The following FRAS1 variants were observed in gnomAD, a reference collection of about 807,000 sequenced individuals.
FRAS1 encodes the protein extracellular matrix organizing protein FRAS1.
FRAS1 carries 290 observed loss-of-function variants against 435.2 expected under a neutral mutation model. The observed-to-expected ratio is 0.67, with a 90% CI of 0.61 to 0.73. The LOEUF is 0.73. FRAS1 is among the 30% of genes least tolerant of loss of function. The pLI is 0.00. For synonymous variants in FRAS1, 1,800 were observed against 1,851.0 expected (o/e 0.97, Z 0.71); for missense variants, 4,860 against 5,001.5 (o/e 0.97, Z 0.85).
At chr4:78,482,842 A>G (rs1720054045) in intron 58 of FRAS1, among the ~76,000 whole-genome samples, 1 of 152,202 alleles carries the variant, frequency 6.6e-6, no homozygotes, top group Non-Finnish European at 1.5e-5. Flanking sequence ...ATCATGATAA[A>G]TGACCTAATA....
At chr4:78,139,620 T>C (rs1406850775) in intron 2 of FRAS1, among the ~76,000 whole-genome samples, 2 of 152,128 alleles carry the variant, frequency 1.3e-5, no homozygotes, top group Non-Finnish European at 2.9e-5. Flanking sequence ...ACTTCATTAG[T>C]GGAAAAGAGT....
In FRAS1 at chr4:78,155,976, C is replaced by T. The variant is rs975934986; in HGVS notation, c.109-81534C>T. Among the ~76,000 whole-genome samples the T allele has an allele frequency of 7.2e-5, 11 of 152,172 alleles. 1 individual carries two copies. Among genetic ancestry groups the T allele is most frequent in the South Asian group, 4.2e-4 (2 of 4,816 alleles). On this transcript the variant is annotated intron_variant, in intron 2 of 73. Coordinates refer to ENST00000512123, the MANE Select transcript of FRAS1 (RefSeq NM_025074.7). ...AGAGTTAAAAAAAATACACAAAAAC[C>T]GCAAACAACATAATTCTTTCATGTG... is the stretch of plus-strand genomic sequence containing the variant.
intron 2 of FRAS1, among the ~76,000 whole-genome samples, chr4:78,221,256 T>A (rs922375772): frequency 2.0e-5 from 3 of 152,222 alleles, no homozygotes; most frequent in Non-Finnish European, 4.4e-5. Flanking sequence ...TATATCAAAT[T>A]TCTTTCATGT....
intron 2 of FRAS1, among the ~76,000 whole-genome samples, chr4:78,134,780 C>T (rs1014814245): frequency 1.3e-5 from 2 of 152,020 alleles, no homozygotes; most frequent in African/African-American, 4.8e-5. Flanking sequence ...ATTTAATTTT[C>T]AAAACAGCCT....
intron 2 of FRAS1, among the ~76,000 whole-genome samples, chr4:78,077,168 TA>T (rs1290464235): frequency 6.0e-5 from 9 of 149,606 alleles, no homozygotes; most frequent in African/African-American, 2.2e-4. Flanking sequence ...TTGGTTAACA[TA>T]GCAAGATTCC....
At chr4:78,486,576 A>G (rs1397510134) in intron 58 of FRAS1, among the ~76,000 whole-genome samples, 2 of 152,216 alleles carry the variant, frequency 1.3e-5, no homozygotes, top group Middle Eastern at 3.2e-3. Context: ...AGCCAGTGCT[A>G]TCACTTCCTG....
At chr4:78,487,754 CT>C (rs1253415429) in intron 58 of FRAS1, among the ~76,000 whole-genome samples, 2 of 152,094 alleles carry the variant, frequency 1.3e-5, no homozygotes, top group East Asian at 3.8e-4. Flanking sequence ...CATTTATTAT[CT>C]CATTAAATTC....
chr4:78,256,721 G>A (rs1725813334), intron 6 of FRAS1, among the ~76,000 whole-genome samples: 1 of 151,982 alleles, frequency 6.6e-6, no homozygotes, highest in Non-Finnish European at 1.5e-5. Context: ...ATGAAATTTG[G>A]TACCATACTT....
intron 2 of FRAS1, among the ~76,000 whole-genome samples, chr4:78,119,117 T>A (rs890417625): frequency 5.3e-5 from 8 of 152,236 alleles, no homozygotes; most frequent in East Asian, 1.9e-4. Flanking sequence ...TTAATACATA[T>A]AATGTGTAGT....
chr4:78,338,006 A>G, intron 20 of FRAS1, 189 bp downstream of exon 20: 1 of 572,950 alleles, frequency 1.7e-6, no homozygotes, highest in South Asian at 2.1e-5. Flanking sequence ...TTTAAATAGA[A>G]CTTCTAATAA....
rs1725670997 is a variant in FRAS1 at position 78,253,997 on chromosome 4, T to TTGTGTTTATTTATTA, written c.470-1242_470-1241insGTTTATTTATTATGT. On this transcript the variant is annotated intron_variant, in intron 5 of 73. Transcript: ENST00000512123. Reference sequence around the variant, plus strand: ...ATGCCTTTTATTTGTCTTTACTTATTTGTCTTTATTTATGAAATAAAGACA... The same window carrying TTGTGTTTATTTATTA: ...ATGCCTTTTATTTGTCTTTACTTATTTGTGTTTATTTATTATGTCTTTATTTATGAAATAAAGACA... Among the ~76,000 whole-genome samples, 9 of 151,354 alleles carry TTGTGTTTATTTATTA rather than the reference T, an allele frequency of 5.9e-5. No individual in the cohort carries two copies. The South Asian group carries it at 1.9e-3, about 32-fold the overall frequency.
chr4:78,270,807 T>C (rs1726637407), intron 9 of FRAS1, among the ~76,000 whole-genome samples: 1 of 152,106 alleles, frequency 6.6e-6, no homozygotes, highest in Non-Finnish European at 1.5e-5. Context: ...TACCAACTGA[T>C]TTGTCACATT....
intron 59 of FRAS1, among the ~76,000 whole-genome samples, 198 bp from the exon 60 acceptor site, chr4:78,496,607 G>A (rs780117156): frequency 2.6e-5 from 4 of 152,180 alleles, no homozygotes; most frequent in Non-Finnish European, 4.4e-5. Context: ...TCTAATACAA[G>A]TCTCCACATA....
intron 47 of FRAS1, among the ~76,000 whole-genome samples, chr4:78,460,082 G>A (rs1281668736): frequency 6.6e-6 from 1 of 152,158 alleles, no homozygotes; most frequent in Non-Finnish European, 1.5e-5. Flanking sequence ...AAGAAGGCTG[G>A]GAGTCTCCCA....
chr4:78,333,446 TG>T, intron 19 of FRAS1, 34 bp downstream of exon 19: 1 of 1,595,634 alleles, frequency 6.3e-7, no homozygotes, highest in Non-Finnish European at 8.5e-7. Flanking sequence ...ACATTGCCTA[TG>T]ACCATGTTTT....
At chr4:78,245,385 C>A in intron 4 of FRAS1, 60 bp downstream of exon 4, 4 of 1,198,150 alleles carry the variant, frequency 3.3e-6, no homozygotes, top group Non-Finnish European at 4.9e-6. Flanking sequence ...AAGGGAAAAG[C>A]TGAATGTTAA....
At chr4:78,341,140 G>C (rs1403534046) in intron 20 of FRAS1, among the ~76,000 whole-genome samples, 1 of 152,178 alleles carries the variant, frequency 6.6e-6, no homozygotes, top group African/African-American at 2.4e-5. Flanking sequence ...GAGTGGGTAT[G>C]AAAGCTTTCC....
chr4:78,139,401 G>A (rs1720064691), intron 2 of FRAS1, among the ~76,000 whole-genome samples: 1 of 152,104 alleles, frequency 6.6e-6, no homozygotes, highest in Admixed American at 6.6e-5. Context: ...TTATATTTGG[G>A]CTTTCCCTCC....
chr4:78,511,978 C>G (rs17429432), intron 64 of FRAS1, among the ~76,000 whole-genome samples: 21,964 of 152,186 alleles, frequency 0.14, 1,905 homozygotes, highest in Non-Finnish European at 0.21. Context: ...AGCATTCACT[C>G]TCTCTGCCCT....
Sources: allele counts gnomAD v4.1 joint callset (sites outside exome capture counted in the v4.1 genomes callset), GRCh38; gene constraint gnomAD v4.1.1; transcripts MANE v1.5; gene names NCBI Gene and HGNC (gene_info 2026-07-23, HGNC 2026-07-21).